Variants in NEGR1 observed in about 807,000 individuals in gnomAD.
The protein encoded by NEGR1 is neuronal growth regulator 1, also known as IgLON family member 4.
A neutral mutation model predicts 40.9 loss-of-function variants in NEGR1; 10 were observed. The ratio of observed to expected loss-of-function variants is 0.24; its 90% CI spans 0.15 to 0.42. NEGR1 has a LOEUF of 0.42. Among genes scored for constraint, NEGR1 ranks in the 10% least tolerant of loss-of-function variants. The pLI is 1.00. For synonymous variants in NEGR1, 185 were observed against 166.8 expected (o/e 1.11, Z -0.84); for missense variants, 352 against 438.9 (o/e 0.80, Z 1.77).
chr1:72,200,540 AC>A (rs1270791608), intron 1 of NEGR1, among the ~76,000 whole-genome samples: 4 of 151,954 alleles, frequency 2.6e-5, no homozygotes, highest in African/African-American at 9.7e-5. Flanking sequence ...CGTATTGAGC[AC>A]TATGCTCACT....
chr1:72,218,481 C>T (rs201301807), intron 1 of NEGR1, among the ~76,000 whole-genome samples: 10 of 151,944 alleles, frequency 6.6e-5, no homozygotes, highest in Admixed American at 1.3e-4. Context: ...TTTTCTACAC[C>T]GTACTATTTT....
chr1:72,216,898 T>A (rs1653840934), intron 1 of NEGR1, among the ~76,000 whole-genome samples: 1 of 151,386 alleles, frequency 6.6e-6, no homozygotes, highest in Admixed American at 6.6e-5. Context: ...AACCAGACTT[T>A]CCTTTAGATA....
At chr1:71,907,441 A>G (rs1177216696) in intron 2 of NEGR1, among the ~76,000 whole-genome samples, 1 of 152,212 alleles carries the variant, frequency 6.6e-6, no homozygotes, top group African/African-American at 2.4e-5. Context: ...GGAAATGCAA[A>G]TCAAAACCAC....
chr1:71,605,847 G>A (rs368051508), intron 5 of NEGR1, among the ~76,000 whole-genome samples: 15 of 152,268 alleles, frequency 9.9e-5, no homozygotes, highest in Admixed American at 8.5e-4. Flanking sequence ...CTTATCCTAA[G>A]AGGTAATATT....
chr1:72,199,496 C>G (rs1653126168), intron 1 of NEGR1, among the ~76,000 whole-genome samples: 1 of 151,954 alleles, frequency 6.6e-6, no homozygotes, highest in African/African-American at 2.4e-5. Flanking sequence ...TTCAAATTCG[C>G]AGGTTTCCTA....
chr1:72,014,235 C>T (rs1464401002), intron 1 of NEGR1, among the ~76,000 whole-genome samples: 1 of 151,820 alleles, frequency 6.6e-6, no homozygotes, highest in Non-Finnish European at 1.5e-5. Flanking sequence ...TATTGCAGTA[C>T]AAACATTATC....
At chr1:71,806,722 T>TA (rs1657783319) in intron 2 of NEGR1, among the ~76,000 whole-genome samples, 1 of 152,068 alleles carries the variant, frequency 6.6e-6, no homozygotes, top group South Asian at 2.1e-4. Flanking sequence ...AATAAAAATT[T>TA]AAAAAGTGGG....
chr1:71,702,063 A>G (rs2101632905), intron 3 of NEGR1, among the ~76,000 whole-genome samples: 1 of 152,210 alleles, frequency 6.6e-6, no homozygotes, highest in South Asian at 2.1e-4. Context: ...AGCAAATAAA[A>G]GTAACTAGTA....
At chr1:71,802,481 A>G (rs901130722) in intron 2 of NEGR1, among the ~76,000 whole-genome samples, 11 of 152,198 alleles carry the variant, frequency 7.2e-5, no homozygotes, top group African/African-American at 2.7e-4. Flanking sequence ...CACTTGCACC[A>G]TAGGCCCAGA....
intron 2 of NEGR1, among the ~76,000 whole-genome samples, chr1:71,874,668 A>G (rs939230884): frequency 8.5e-5 from 13 of 152,154 alleles, no homozygotes; most frequent in African/African-American, 3.1e-4. Context: ...AGTGGGTTGA[A>G]GCCAGGCCTG....
chr1:72,098,163 G>A (rs1482838501), intron 1 of NEGR1, among the ~76,000 whole-genome samples: 4 of 152,102 alleles, frequency 2.6e-5, no homozygotes, highest in Non-Finnish European at 5.9e-5. Context: ...AGTGGGAGGA[G>A]AGCGAACATC....
intron 4 of NEGR1, among the ~76,000 whole-genome samples, chr1:71,664,529 G>A (rs1381566895): frequency 6.6e-6 from 1 of 151,746 alleles, no homozygotes; most frequent in Non-Finnish European, 1.5e-5. Flanking sequence ...TATCTTTTTT[G>A]TGTGATTTCC....
chr1:71,590,144 TC>T (rs1297500099), intron 6 of NEGR1, among the ~76,000 whole-genome samples: 1 of 152,126 alleles, frequency 6.6e-6, no homozygotes, highest in Non-Finnish European at 1.5e-5. Flanking sequence ...TTTATATTTT[TC>T]CCTGAGTCCT....
intron 1 of NEGR1, among the ~76,000 whole-genome samples, chr1:72,264,318 A>C (rs1053054439): frequency 6.6e-6 from 1 of 151,188 alleles, no homozygotes; most frequent in Non-Finnish European, 1.5e-5. Context: ...CTTCCCTCAT[A>C]AGGCTGTTGT....
intron 5 of NEGR1, among the ~76,000 whole-genome samples, chr1:71,610,786 T>A (rs142010846): frequency 7.6e-4 from 115 of 152,142 alleles, no homozygotes; most frequent in African/African-American, 2.7e-3. Flanking sequence ...AGAAATGAAA[T>A]GCATCAGTGA....
chr1:71,853,578 TA>T (rs1006030872), intron 2 of NEGR1, among the ~76,000 whole-genome samples: 3 of 151,824 alleles, frequency 2.0e-5, no homozygotes, highest in Admixed American at 1.3e-4. Context: ...TCAGAGTAGT[TA>T]AAAAAAAGGC....
At chr1:71,766,661 T>C in intron 3 of NEGR1, among the ~76,000 whole-genome samples, 1 of 152,230 alleles carries the variant, frequency 6.6e-6, no homozygotes, top group East Asian at 1.9e-4. Context: ...AACATGCTTC[T>C]AGATTTTTTT....
intron 1 of NEGR1, among the ~76,000 whole-genome samples, chr1:72,208,491 T>C (rs1653487811): frequency 6.6e-6 from 1 of 151,586 alleles, no homozygotes; most frequent in Non-Finnish European, 1.5e-5. Flanking sequence ...TCTTCCCGTA[T>C]AATTTTTTTT....
At chr1:72,125,538 A>G in intron 1 of NEGR1, among the ~76,000 whole-genome samples, 1 of 152,128 alleles carries the variant, frequency 6.6e-6, no homozygotes, top group East Asian at 1.9e-4. Context: ...AAATCACATT[A>G]TTATGAAATG....
Sources: allele counts gnomAD v4.1 joint callset (sites outside exome capture counted in the v4.1 genomes callset), GRCh38; gene constraint gnomAD v4.1.1; transcripts MANE v1.5; gene names NCBI Gene and HGNC (gene_info 2026-07-23, HGNC 2026-07-21).